The following CEP112 variants were observed in gnomAD, a reference collection of about 807,000 sequenced individuals.
CEP112 encodes the protein centrosomal protein of 112 kDa.
CEP112 carries 127 observed loss-of-function variants against 153.0 expected under a neutral mutation model. That is an observed-to-expected ratio of 0.83 (90% CI 0.72 to 0.96). CEP112 has a LOEUF of 0.96. Ranked by LOEUF, CEP112 falls within the 40% of genes least tolerant of loss-of-function variation. The pLI, the probability that CEP112 is intolerant of heterozygous loss-of-function variation, is 0.00. For synonymous variants in CEP112, 358 were observed against 374.4 expected, an observed-to-expected ratio of 0.96 and a Z score of 0.51; for missense variants, 1,089 against 1,101.2, an observed-to-expected ratio of 0.99 and a Z score of 0.16.
intron 20 of CEP112, among the ~76,000 whole-genome samples, chr17:65,872,311 T>C (rs1319862559): frequency 6.6e-6 from 1 of 152,036 alleles, no homozygotes; most frequent in Non-Finnish European, 1.5e-5. Context: ...AGCTCTATAA[T>C]AAAAACTGGC....
At chr17:65,719,225 G>A (rs921661879) in intron 23 of CEP112, among the ~76,000 whole-genome samples, 8 of 152,184 alleles carry the variant, frequency 5.3e-5, no homozygotes, top group African/African-American at 1.2e-4. Context: ...CACCCAGTCC[G>A]TTGCATCTGG....
chr17:66,127,721 T>C (rs1246014968), intron 6 of CEP112, among the ~76,000 whole-genome samples: 1 of 152,182 alleles, frequency 6.6e-6, no homozygotes, highest in Non-Finnish European at 1.5e-5. Flanking sequence ...AACATATACC[T>C]CCAGCTCTTG....
At chr17:65,829,776 T>C (rs1447507240) in intron 21 of CEP112, among the ~76,000 whole-genome samples, 1 of 151,958 alleles carries the variant, frequency 6.6e-6, no homozygotes, top group Non-Finnish European at 1.5e-5. Flanking sequence ...AAAGAAAAGG[T>C]ACATCGTTTA....
At chr17:65,678,113 A>C (rs1013649882) in intron 24 of CEP112, among the ~76,000 whole-genome samples, 5 of 152,140 alleles carry the variant, frequency 3.3e-5, no homozygotes, top group Admixed American at 6.5e-5. Context: ...ATCAGTAGTC[A>C]TCAAACATTT....
intron 21 of CEP112, among the ~76,000 whole-genome samples, chr17:65,818,567 T>A (rs2056384305): frequency 6.6e-6 from 1 of 151,782 alleles, no homozygotes; most frequent in South Asian, 2.1e-4. Flanking sequence ...TCTTGGCAAG[T>A]CTCAATTTTG....
At chr17:65,977,362 C>T (rs996213122) in intron 17 of CEP112, among the ~76,000 whole-genome samples, 2 of 152,118 alleles carry the variant, frequency 1.3e-5, no homozygotes, top group African/African-American at 4.8e-5. Context: ...TTTCCAGTTC[C>T]GAATTCCCAA....
intron 18 of CEP112, among the ~76,000 whole-genome samples, chr17:65,956,863 C>A (rs1470409001): frequency 6.6e-6 from 1 of 152,110 alleles, no homozygotes; most frequent in Non-Finnish European, 1.5e-5. Context: ...GTACAGTAGT[C>A]CCTCCTTATA....
intron 21 of CEP112, among the ~76,000 whole-genome samples, chr17:65,784,964 C>A (rs1481547433): frequency 6.6e-6 from 1 of 152,136 alleles, no homozygotes; most frequent in Non-Finnish European, 1.5e-5. Flanking sequence ...AAGAACCCAT[C>A]CCTATTAACA....
At chr17:66,153,158 A>G (rs1296151904) in intron 4 of CEP112, among the ~76,000 whole-genome samples, 1 of 152,188 alleles carries the variant, frequency 6.6e-6, no homozygotes, top group African/African-American at 2.4e-5. Flanking sequence ...GTTAAAAATA[A>G]ATTTACCACA....
Position 65,981,606 on chromosome 17 carries a change from G to GTT in CEP112, c.1737-20010_1737-20009dup, listed in dbSNP as rs556852406. 1.9e-3 allele frequency among the ~76,000 whole-genome samples: 283 copies of GTT among 152,080 alleles called. 1 individual carries two copies. The highest frequency in any genetic ancestry group is 6.5e-3 in the African/African-American group (271 of 41,476). ...TTGTTTGTTTTTGAAATGGAGTCTT[G>GTT]TTCTGTCACCCAGGCTGGAAGGCAG... On this transcript the variant is annotated intron_variant, in intron 17 of 26. Coordinates refer to ENST00000535342, the MANE Select transcript of CEP112 (RefSeq NM_001199165.4).
chr17:65,739,473 T>G (rs1254980914), intron 23 of CEP112, among the ~76,000 whole-genome samples: 1 of 152,178 alleles, frequency 6.6e-6, no homozygotes, highest in Non-Finnish European at 1.5e-5. Flanking sequence ...TGGTGGCTTA[T>G]GCCTGTAATC....
chr17:65,716,905 T>C (rs186817934), intron 23 of CEP112, among the ~76,000 whole-genome samples: 21 of 152,258 alleles, frequency 1.4e-4, no homozygotes, highest in Non-Finnish European at 2.4e-4. Context: ...GTGACAGGAA[T>C]GGAAGGCTGG....
intron 20 of CEP112, among the ~76,000 whole-genome samples, chr17:65,871,479 C>T (rs1411974317): frequency 1.3e-5 from 2 of 151,896 alleles, no homozygotes; most frequent in Admixed American, 1.3e-4. Flanking sequence ...ACTAAAAATA[C>T]AAAAAATTAG....
intron 19 of CEP112, among the ~76,000 whole-genome samples, chr17:65,915,787 CAAAAA>C (rs755351021): frequency 8.8e-5 from 5 of 56,590 alleles, no homozygotes; most frequent in African/African-American, 2.0e-4. Flanking sequence ...GACTCAAACT[CAAAAA>C]AAAAAAAAAA....
In CEP112 at chr17:65,714,431, T is replaced by A. The variant is rs556864843; in HGVS notation, c.2608-25213A>T. ...CCATATGAATATCAAAGTTTTTTTTTAATAATTATTAGCCATTTAAATGAA... is the reference window on the plus strand; with the variant it reads ...CCATATGAATATCAAAGTTTTTTTTAAATAATTATTAGCCATTTAAATGAA... On this transcript the variant is annotated intron_variant, in intron 23 of 26. Transcript: ENST00000535342. Among the ~76,000 whole-genome samples, 35 of 151,688 alleles carry A rather than the reference T, an allele frequency of 2.3e-4. No homozygotes were observed. The South Asian group carries it at 5.6e-3, about 24-fold the overall frequency.
In CEP112 at chr17:65,649,069, AACAAACACACACAC is replaced by A. The variant is rs2045594998; in HGVS notation, c.2698-8018_2698-8005del. ...CTGTCTCAAAACAAACAAACAAACA[AACAAACACACACAC>A]ACACACACACACACACACACACACA... On this transcript the variant is annotated intron_variant, in intron 24 of 26. Coordinates refer to ENST00000535342, the MANE Select transcript of CEP112 (RefSeq NM_001199165.4). Among the ~76,000 whole-genome samples the A allele has an allele frequency of 9.6e-5, 4 of 41,796 alleles. No homozygotes were observed. In the South Asian group the frequency reaches 3.7e-3, roughly 38 times the overall value. 27.4% of individuals were successfully genotyped at this position (41,796 alleles called of 152,430 possible).
At chr17:65,903,655 G>C (rs2059957234) in intron 19 of CEP112, among the ~76,000 whole-genome samples, 1 of 151,978 alleles carries the variant, frequency 6.6e-6, no homozygotes, top group Non-Finnish European at 1.5e-5. Context: ...GCAGAGACAC[G>C]ACAAGAAAAG....
chr17:65,969,251 T>C (rs144786008), intron 17 of CEP112, among the ~76,000 whole-genome samples: 16 of 152,110 alleles, frequency 1.1e-4, no homozygotes, highest in Non-Finnish European at 2.1e-4. Flanking sequence ...CTGACTAGTT[T>C]TTTTTGTATT....
intron 24 of CEP112, among the ~76,000 whole-genome samples, chr17:65,667,922 A>G (rs1362686494): frequency 1.4e-5 from 2 of 145,192 alleles, no homozygotes; most frequent in African/African-American, 5.2e-5. Context: ...TTCGAGACTG[A>G]GTCTCGCTGT....
Sources: allele counts gnomAD v4.1 joint callset (sites outside exome capture counted in the v4.1 genomes callset), GRCh38; gene constraint gnomAD v4.1.1; transcripts MANE v1.5; gene names NCBI Gene and HGNC (gene_info 2026-07-23, HGNC 2026-07-21).